The following PPM1E variants were observed in gnomAD, a reference collection of about 807,000 sequenced individuals.
The protein encoded by PPM1E is protein phosphatase 1E.
Under a neutral mutation model 65.9 loss-of-function variants are expected in PPM1E, and 20 were observed. The ratio of observed to expected loss-of-function variants is 0.30; its 90% CI spans 0.21 to 0.44. The LOEUF (loss-of-function observed/expected upper bound fraction) is 0.44. Among genes scored for constraint, PPM1E ranks in the 20% least tolerant of loss-of-function variants. The probability of loss-of-function intolerance (pLI) is 1.00; values close to 1 mark genes in which losing one functional copy is unlikely to be tolerated. For missense variants in PPM1E, 713 were observed against 953.1 expected, an observed-to-expected ratio of 0.75 and a Z score of 3.32; for synonymous variants, 352 against 374.9, an observed-to-expected ratio of 0.94 and a Z score of 0.70.
At chr17:58,768,167 G>A (rs562067107) in intron 1 of PPM1E, among the ~76,000 whole-genome samples, 52 of 152,202 alleles carry the variant, frequency 3.4e-4, no homozygotes, top group Middle Eastern at 3.4e-3. Context: ...GGCCAGGCTG[G>A]TCTCAAACTC....
Position 58,836,837 on chromosome 17 carries a change from C to G in PPM1E, c.464+80376C>G, listed in dbSNP as rs550109605. ...GAGATCGAGACCATCCTGGCTAACA[C>G]GGTGAAACCCCGTCTCTACTAAAAA... On this transcript the variant is annotated intron_variant, in intron 1 of 6. Coordinates refer to ENST00000308249, the MANE Select transcript of PPM1E (RefSeq NM_014906.5). Among the ~76,000 whole-genome samples, 846 of 147,004 alleles carry G rather than the reference C, an allele frequency of 5.8e-3. 5 individuals carry two copies. The highest frequency in any genetic ancestry group is 9.2e-3 in the African/African-American group (374 of 40,538).
chr17:58,814,270 G>A (rs953664772), intron 1 of PPM1E, among the ~76,000 whole-genome samples: 1 of 152,086 alleles, frequency 6.6e-6, no homozygotes, highest in Admixed American at 6.6e-5. Context: ...GGTAAATATG[G>A]AGGCATGCAT....
chr17:58,916,484 C>T (rs190782731), intron 1 of PPM1E, among the ~76,000 whole-genome samples: 5 of 152,168 alleles, frequency 3.3e-5, no homozygotes, highest in African/African-American at 1.2e-4. Context: ...AGTATAGCCC[C>T]GCACAGTGGC....
Position 58,877,186 on chromosome 17 carries a change from A to T in PPM1E, c.465-78463A>T, listed in dbSNP as rs1034298783. Among the ~76,000 whole-genome samples the T allele has an allele frequency of 4.9e-4, 74 of 152,212 alleles. 1 individual carries two copies. The highest frequency in any genetic ancestry group is 7.9e-4 in the Admixed American group (12 of 15,278). On this transcript the variant is annotated intron_variant, in intron 1 of 6. Coordinates refer to ENST00000308249, the MANE Select transcript of PPM1E (RefSeq NM_014906.5). ...TAGACATAAAATGTTTTGCTTTAAGATTTTACAATATAATACAACTATTTG... is the reference window on the plus strand; with the variant it reads ...TAGACATAAAATGTTTTGCTTTAAGTTTTTACAATATAATACAACTATTTG...
chr17:58,904,266 A>T (rs1306061025), intron 1 of PPM1E, among the ~76,000 whole-genome samples: 1 of 152,186 alleles, frequency 6.6e-6, no homozygotes, highest in Admixed American at 6.5e-5. Flanking sequence ...CAGATGAAGA[A>T]ATTTGAGTTG....
chr17:58,810,243 C>T (rs1030939894), intron 1 of PPM1E, among the ~76,000 whole-genome samples: 1 of 151,992 alleles, frequency 6.6e-6, no homozygotes, highest in African/African-American at 2.4e-5. Flanking sequence ...GAGTCTCACT[C>T]TGTCACCAGG....
intron 1 of PPM1E, among the ~76,000 whole-genome samples, chr17:58,791,056 A>AT (rs1211396549): frequency 1.3e-5 from 2 of 151,544 alleles, no homozygotes; most frequent in Non-Finnish European, 2.9e-5. Flanking sequence ...TGCCCGGCTA[A>AT]TTTTTTTGTA....
chr17:58,977,115 C>T (rs2031050607), intron 6 of PPM1E, among the ~76,000 whole-genome samples: 1 of 151,964 alleles, frequency 6.6e-6, no homozygotes, highest in South Asian at 2.1e-4. Context: ...AAATCAAAAG[C>T]ATGCTTGGGA....
chr17:58,918,481 T>C (rs2051712160), intron 1 of PPM1E, among the ~76,000 whole-genome samples: 1 of 152,150 alleles, frequency 6.6e-6, no homozygotes, highest in African/African-American at 2.4e-5. Flanking sequence ...AGGGTGCTTT[T>C]TACCTACCAT....
chr17:58,903,432 C>G (rs1270878154), intron 1 of PPM1E, among the ~76,000 whole-genome samples: 3 of 152,126 alleles, frequency 2.0e-5, no homozygotes. Flanking sequence ...AAGCTTTTGC[C>G]TTTATCTCAA....
intron 1 of PPM1E, among the ~76,000 whole-genome samples, chr17:58,777,118 T>C (rs764349259): frequency 7.9e-5 from 12 of 152,062 alleles, no homozygotes; most frequent in Non-Finnish European, 1.8e-4. Context: ...CCTAGCTACA[T>C]GGCAGGCTGA....
In PPM1E at chr17:58,815,964, TA is replaced by T. The variant is rs1223447953; in HGVS notation, c.464+59508del. Among the ~76,000 whole-genome samples the T allele has an allele frequency of 3.3e-5, 5 of 152,250 alleles. No homozygotes were observed. In the Middle Eastern group the frequency reaches 0.014, roughly 414 times the overall value. The stretch of plus-strand genomic sequence containing the variant: ...ATTATGATAAAAAATATTGATAAAA[TA>T]AAAATATTGATACAATAAAAAATTT... On this transcript the variant is annotated intron_variant, in intron 1 of 6. Transcript: ENST00000308249.
Position 58,982,856 on chromosome 17 carries a change from T to TGTCA in PPM1E, c.*1826_*1829dup. The TGTCA allele has an allele frequency of 6.6e-7, 1 of 1,519,542 alleles. No individual in the cohort carries two copies. Among genetic ancestry groups the TGTCA allele is most frequent in the Non-Finnish European group, 9.0e-7 (1 of 1,113,740 alleles). 94.1% of individuals were successfully genotyped at this position (1,519,542 alleles called of 1,614,324 possible). On this transcript the variant is annotated 3_prime_UTR_variant, in exon 7 of 7. Transcript: ENST00000308249. ...CCCACACATGGTCCTCACTCATATCTGTCACCTTCTGAAGCCTAGATCTTG... is the reference window on the plus strand; with the variant it reads ...CCCACACATGGTCCTCACTCATATCTGTCAGTCACCTTCTGAAGCCTAGATCTTG...
intron 1 of PPM1E, chr17:58,785,340 C>G (rs2050088472): frequency 6.8e-6 from 1 of 147,976 alleles, no homozygotes; most frequent in South Asian, 2.1e-4. Flanking sequence ...GAGTCTCACT[C>G]TGTTGCCCAG....
At chr17:58,774,159 TCC>T (rs71367625) in intron 1 of PPM1E, among the ~76,000 whole-genome samples, 1 of 133,796 alleles carries the variant, frequency 7.5e-6, no homozygotes, top group African/African-American at 2.8e-5. Context: ...GGAAACTCTG[TCC>T]CCCCCCCCCA....
intron 1 of PPM1E, among the ~76,000 whole-genome samples, chr17:58,922,122 A>T (rs2051760526): frequency 6.6e-6 from 1 of 151,690 alleles, no homozygotes; most frequent in Admixed American, 6.6e-5. Flanking sequence ...ATGAGAGCTT[A>T]CGTGAGTTAT....
chr17:58,755,973 G>C lies in PPM1E; in HGVS notation c.-25G>C. The C allele has an allele frequency of 6.2e-7, 1 of 1,613,626 alleles. No homozygotes were observed. The highest frequency in any genetic ancestry group is 8.5e-7 in the Non-Finnish European group (1 of 1,179,748). ...CTGGGCTTCCCCCAACCCCTTTCCC[G>C]GTCTGCCCTGGGGCATGAGCAGCGA... On this transcript the variant is annotated 5_prime_UTR_variant, in exon 1 of 7. Coordinates refer to ENST00000308249, the MANE Select transcript of PPM1E (RefSeq NM_014906.5).
Position 58,797,206 on chromosome 17 carries a change from T to C in PPM1E, c.464+40745T>C, listed in dbSNP as rs191782399. Among the ~76,000 whole-genome samples, 421 of 152,256 alleles carry C rather than the reference T, an allele frequency of 2.8e-3. 3 individuals carry two copies. Among genetic ancestry groups the C allele is most frequent in the African/African-American group, 9.9e-3 (411 of 41,554 alleles). ...TTATTTTTTTCAAGTTTCCAACAAG[T>C]CATTGATTACTTTTTAAAAAGTAAA... On this transcript the variant is annotated intron_variant, in intron 1 of 6. Transcript: ENST00000308249.
intron 1 of PPM1E, among the ~76,000 whole-genome samples, chr17:58,934,216 A>C: frequency 6.6e-6 from 1 of 152,160 alleles, no homozygotes; most frequent in East Asian, 1.9e-4. Flanking sequence ...TAATAGTACA[A>C]TTTGACTTTT....
Sources: gnomAD v4.1 joint callset for allele counts (sites outside exome capture counted in the v4.1 genomes callset) on GRCh38, gnomAD v4.1.1 for gene constraint, MANE v1.5 for transcripts, NCBI Gene and HGNC (gene_info 2026-07-23, HGNC 2026-07-21) for gene names.